MYCBP2: variants seen among roughly 807,000 people sequenced by gnomAD.
MYCBP2 encodes the protein MYC binding protein 2, also known as E3 ubiquitin-protein ligase MYCBP2.
In MYCBP2, 120 loss-of-function variants were observed where a neutral mutation model predicts 525.3. The ratio of observed to expected loss-of-function variants is 0.23; its 90% CI spans 0.20 to 0.27. The LOEUF is 0.27. Ranked by LOEUF, MYCBP2 falls within the 10% of genes least tolerant of loss-of-function variation. MYCBP2 has a pLI of 1.00. For missense variants in MYCBP2, 4,149 were observed against 5,657.1 expected (o/e 0.73, Z 8.55); for synonymous variants, 1,894 against 1,955.8 (o/e 0.97, Z 0.83).
chr13:77,210,051 C>T (rs1299457049), intron 23 of MYCBP2, among the ~76,000 whole-genome samples: 2 of 152,128 alleles, frequency 1.3e-5, no homozygotes, highest in African/African-American at 4.8e-5. Context: ...CCTACTAAGG[C>T]CGGCCGCAAA....
chr13:77,273,297 G>C (rs1022830389), intron 5 of MYCBP2, among the ~76,000 whole-genome samples, 175 bp downstream of exon 5: 4 of 152,144 alleles, frequency 2.6e-5, no homozygotes, highest in South Asian at 2.1e-4. Context: ...TAAAGCTTCA[G>C]AGTTAAACAT....
At chr13:77,177,358 A>G (rs2154241872) in intron 35 of MYCBP2, among the ~76,000 whole-genome samples, 2 of 136,106 alleles carry the variant, frequency 1.5e-5, no homozygotes, top group South Asian at 4.6e-4. Context: ...TTTTTTTGAG[A>G]CAGGGTCGGG....
At chr13:77,199,414 G>C (rs1463375697) in intron 26 of MYCBP2, among the ~76,000 whole-genome samples, 2 of 152,248 alleles carry the variant, frequency 1.3e-5, no homozygotes, top group Non-Finnish European at 2.9e-5. Context: ...CTCGCTGATT[G>C]CTAGCACAGC....
chr13:77,213,349 C>T (rs2064307911), intron 21 of MYCBP2, among the ~76,000 whole-genome samples: 1 of 152,038 alleles, frequency 6.6e-6, no homozygotes, highest in Admixed American at 6.6e-5. Flanking sequence ...GTGGCATGGG[C>T]CTGTAATCCC....
intron 4 of MYCBP2, among the ~76,000 whole-genome samples, chr13:77,275,575 G>A (rs921353912): frequency 6.6e-6 from 1 of 152,162 alleles, no homozygotes; most frequent in Non-Finnish European, 1.5e-5. Context: ...TATAGTCACA[G>A]CTACTTGGGA....
At chr13:77,192,226 G>T (rs2061360824) in intron 27 of MYCBP2, among the ~76,000 whole-genome samples, 1 of 152,230 alleles carries the variant, frequency 6.6e-6, no homozygotes, top group Non-Finnish European at 1.5e-5. Context: ...GGCAGCCTGG[G>T]TTCAAGGCCC....
chr13:77,250,039 C>T (rs1488683211), intron 15 of MYCBP2, among the ~76,000 whole-genome samples: 4 of 151,696 alleles, frequency 2.6e-5, no homozygotes, highest in South Asian at 2.1e-4. Flanking sequence ...CCGGCTAAAA[C>T]GGTGAAACCC....
chr13:77,316,286 T>C (rs2080926157), intron 1 of MYCBP2, among the ~76,000 whole-genome samples: 1 of 151,776 alleles, frequency 6.6e-6, no homozygotes, highest in Non-Finnish European at 1.5e-5. Context: ...AACTGAAAAA[T>C]AGGAAAAACT....
At chr13:77,223,615 A>G (rs2065882531) in intron 20 of MYCBP2, among the ~76,000 whole-genome samples, 1 of 152,208 alleles carries the variant, frequency 6.6e-6, no homozygotes, top group Admixed American at 6.5e-5. Context: ...GAAGCTGATG[A>G]GGCAGTTCAT....
intron 15 of MYCBP2, among the ~76,000 whole-genome samples, chr13:77,245,910 CTCT>C (rs2069844130): frequency 6.6e-6 from 1 of 151,960 alleles, no homozygotes; most frequent in Non-Finnish European, 1.5e-5. Context: ...CCTTCCCCCT[CTCT>C]TCTTTACATG....
intron 1 of MYCBP2, among the ~76,000 whole-genome samples, chr13:77,307,279 C>T (rs1260378449): frequency 6.6e-6 from 1 of 152,124 alleles, no homozygotes; most frequent in Non-Finnish European, 1.5e-5. Context: ...CTCAACCATA[C>T]ATCCCTCTCT....
At position 77,044,899 on chromosome 13, in the gene MYCBP2, ATGT is replaced by A; in HGVS notation, c.*476_*478del. ...TACATTTATATGCTGTCCTAACACA[ATGT>A]TTTTTTTTTTTTTAAATAACAGTCT... On this transcript the variant is annotated 3_prime_UTR_variant, in exon 83 of 83. Coordinates refer to ENST00000544440, the MANE Select transcript of MYCBP2 (RefSeq NM_015057.5). 1 of 400,520 alleles carries A rather than the reference ATGT, an allele frequency of 2.5e-6. No homozygotes were observed. Among genetic ancestry groups the A allele is most frequent in the South Asian group, 1.2e-4 (1 of 8,044 alleles). 24.8% of individuals were successfully genotyped at this position (400,520 alleles called of 1,614,324 possible).
rs755041001 is a variant in MYCBP2, at chr13:77,061,765, C to T, written c.12800G>A (p.Gly4267Asp). The T allele has an allele frequency of 6.2e-7, 1 of 1,608,526 alleles. No individual in the cohort carries two copies. Among genetic ancestry groups the T allele is most frequent in the Admixed American group, 1.7e-5 (1 of 59,748 alleles). Residue 4267 changes from glycine to aspartate, a missense_variant, in exon 75 of 83, where the codon GGT (glycine) becomes GAT (aspartate). Coordinates refer to ENST00000544440, the MANE Select transcript of MYCBP2 (RefSeq NM_015057.5). ...QMPMCDNHDD[G>D]ETAAIILCNV... Reference sequence around the variant, plus strand: ...GCATAAAATGATTGCTGCAGTTTCACCATCATCATGGTTATCACACATAGG... The same window carrying T: ...GCATAAAATGATTGCTGCAGTTTCATCATCATCATGGTTATCACACATAGG...
At chr13:77,198,950 A>G (rs1593769951) in intron 26 of MYCBP2, among the ~76,000 whole-genome samples, 1 of 152,238 alleles carries the variant, frequency 6.6e-6, no homozygotes, top group East Asian at 1.9e-4. Context: ...ATTGTTGAAA[A>G]TAATTTTCCT....
Position 77,144,509 on chromosome 13 carries a change from T to G in MYCBP2, c.7239A>C (p.Ala2413=), listed in dbSNP as rs772268545. ...GTCCAATAGCCCCTGGAGTCCAATT[T>G]GCACAATAAGTCCCATCATTATTGA... The part of the protein sequence containing the change: ...IRVNNDGTYC[A]NWTPGAIGLY... The change falls in exon 49 of 83, where the codon GCA becomes GCC. Residue 2413 remains alanine, a synonymous_variant. Coordinates refer to ENST00000544440, the MANE Select transcript of MYCBP2 (RefSeq NM_015057.5). The G allele has an allele frequency of 6.2e-6, 10 of 1,613,782 alleles. No homozygotes were observed. The highest frequency in any genetic ancestry group is 8.5e-6 in the Non-Finnish European group (10 of 1,179,858).
intron 32 of MYCBP2, among the ~76,000 whole-genome samples, chr13:77,183,749 G>C (rs1304614606): frequency 6.6e-6 from 1 of 151,226 alleles, no homozygotes; most frequent in Non-Finnish European, 1.5e-5. Context: ...ACTGAGTTTT[G>C]CCATGTTAGG....
chr13:77,049,233 T>C (rs1322611732), intron 82 of MYCBP2, among the ~76,000 whole-genome samples: 1 of 152,176 alleles, frequency 6.6e-6, no homozygotes, highest in Non-Finnish European at 1.5e-5. Flanking sequence ...CTGTCCATTA[T>C]CCTCCATAAC....
chr13:77,158,504 G>A (rs183114714), intron 44 of MYCBP2, among the ~76,000 whole-genome samples: 4 of 152,264 alleles, frequency 2.6e-5, no homozygotes, highest in African/African-American at 9.6e-5. Context: ...GTACAGTGGT[G>A]CCATCATAGC....
intron 55 of MYCBP2, among the ~76,000 whole-genome samples, chr13:77,105,502 C>G (rs1478737393): frequency 6.6e-6 from 1 of 152,038 alleles, no homozygotes; most frequent in Non-Finnish European, 1.5e-5. Context: ...TTTACAAAAT[C>G]TGCTCAAGTT....
Sources: gnomAD v4.1 joint callset for allele counts (sites outside exome capture counted in the v4.1 genomes callset) on GRCh38, gnomAD v4.1.1 for gene constraint, MANE v1.5 for transcripts, NCBI Gene and HGNC (gene_info 2026-07-23, HGNC 2026-07-21) for gene names.